Variants in FER observed in about 807,000 individuals in gnomAD.
The protein encoded by FER is tyrosine-protein kinase Fer.
Under a neutral mutation model 111.0 loss-of-function variants are expected in FER, and 63 were observed. The ratio of observed to expected loss-of-function variants is 0.57; its 90% confidence interval spans 0.46 to 0.70. FER has a LOEUF of 0.70. FER is among the 30% of genes least tolerant of loss of function. The pLI, the probability that FER is intolerant of heterozygous loss-of-function variation, is 0.00. For missense variants in FER, 914 were observed against 954.0 expected (o/e 0.96, Z 0.55); for synonymous variants, 327 against 313.9 (o/e 1.04, Z -0.44).
chr5:109,082,793 G>A (rs938167964), intron 16 of FER, among the ~76,000 whole-genome samples: 2 of 151,878 alleles, frequency 1.3e-5, no homozygotes, highest in Admixed American at 6.6e-5. Flanking sequence ...GAATTGCCTT[G>A]AAATGTCATC....
At chr5:108,949,068 C>T (rs1757381337) in intron 11 of FER, among the ~76,000 whole-genome samples, 1 of 152,052 alleles carries the variant, frequency 6.6e-6, no homozygotes, top group South Asian at 2.1e-4. Context: ...TTGCTTCCTT[C>T]ATATAGAATA....
intron 5 of FER, among the ~76,000 whole-genome samples, chr5:108,839,779 G>C (rs1188939071): frequency 1.3e-5 from 2 of 151,788 alleles, no homozygotes; most frequent in Non-Finnish European, 1.5e-5. Flanking sequence ...GGGTTTCACT[G>C]TGTTAGCCAG....
intron 1 of FER, among the ~76,000 whole-genome samples, chr5:108,752,796 T>A (rs986791889): frequency 3.9e-5 from 6 of 152,098 alleles, no homozygotes; most frequent in African/African-American, 1.4e-4. Context: ...GGAATTATTT[T>A]AAAAATATTC....
intron 1 of FER, among the ~76,000 whole-genome samples, chr5:108,760,124 T>C (rs773881300): frequency 4.6e-5 from 7 of 152,062 alleles, no homozygotes; most frequent in Non-Finnish European, 8.8e-5. Flanking sequence ...AGGTGCATTG[T>C]TGATGATCAA....
At chr5:109,164,145 A>G (rs1043929973) in intron 17 of FER, among the ~76,000 whole-genome samples, 1 of 152,158 alleles carries the variant, frequency 6.6e-6, no homozygotes, top group African/African-American at 2.4e-5. Context: ...TGCTCCCAGT[A>G]AGGTGTTTTC....
intron 16 of FER, among the ~76,000 whole-genome samples, chr5:109,097,384 A>C (rs1747672119): frequency 6.7e-6 from 1 of 150,308 alleles, no homozygotes; most frequent in Non-Finnish European, 1.5e-5. Flanking sequence ...CTTGATAAGC[A>C]GAATTACAAA....
chr5:108,940,822 G>T (rs576377614), intron 10 of FER, among the ~76,000 whole-genome samples: 8 of 152,180 alleles, frequency 5.3e-5, no homozygotes, highest in African/African-American at 1.9e-4. Flanking sequence ...CTGATGAGGG[G>T]TGTGGGCGTG....
At chr5:108,815,347 G>A (rs867769305) in intron 3 of FER, among the ~76,000 whole-genome samples, 1 of 151,898 alleles carries the variant, frequency 6.6e-6, no homozygotes, top group South Asian at 2.1e-4. Flanking sequence ...TGTGGATCTT[G>A]TATCATTTTG....
chr5:108,756,156 CAAAA>C (rs11341627), intron 1 of FER, among the ~76,000 whole-genome samples: 3 of 121,672 alleles, frequency 2.5e-5, no homozygotes, highest in African/African-American at 5.9e-5. Context: ...AACTCCATCT[CAAAA>C]AAAAAAAAAA....
intron 4 of FER, among the ~76,000 whole-genome samples, chr5:108,833,886 AAAAT>A (rs1387493596): frequency 1.3e-5 from 2 of 152,142 alleles, no homozygotes; most frequent in Non-Finnish European, 2.9e-5. Flanking sequence ...AAAAAAAAAA[AAAAT>A]GTAACTACAA....
intron 13 of FER, among the ~76,000 whole-genome samples, chr5:109,014,643 A>G (rs1189958708): frequency 2.6e-5 from 4 of 152,038 alleles, no homozygotes; most frequent in African/African-American, 9.7e-5. Flanking sequence ...CTTGATGGGG[A>G]TGGCATTGAA....
At chr5:109,010,803 T>G (rs917205827) in intron 13 of FER, among the ~76,000 whole-genome samples, 4 of 152,232 alleles carry the variant, frequency 2.6e-5, no homozygotes, top group African/African-American at 9.6e-5. Flanking sequence ...GAGCCATTAT[T>G]CAGGTTTCCA....
At chr5:108,773,003 C>T (rs1233238320) in intron 2 of FER, among the ~76,000 whole-genome samples, 1 of 152,188 alleles carries the variant, frequency 6.6e-6, no homozygotes, top group Non-Finnish European at 1.5e-5. Flanking sequence ...AATACCCTCT[C>T]TCTCTGGTAC....
At chr5:108,931,789 C>T (rs1445344662) in intron 10 of FER, among the ~76,000 whole-genome samples, 1 of 151,904 alleles carries the variant, frequency 6.6e-6, no homozygotes, top group Non-Finnish European at 1.5e-5. Context: ...AAGAATGCAC[C>T]ATTGCACTCC....
At chr5:108,965,182 T>G (rs1198267322) in intron 13 of FER, among the ~76,000 whole-genome samples, 1 of 152,168 alleles carries the variant, frequency 6.6e-6, no homozygotes, top group Non-Finnish European at 1.5e-5. Context: ...TTTAGGAAAT[T>G]TATCAGGAAT....
At chr5:109,123,111 T>G (rs1751205601) in intron 17 of FER, among the ~76,000 whole-genome samples, 1 of 151,906 alleles carries the variant, frequency 6.6e-6, no homozygotes. Context: ...TTTTGTTATT[T>G]TCTGGTTGTT....
chr5:108,839,643 T>C (rs1233266782), intron 5 of FER, among the ~76,000 whole-genome samples: 2 of 147,916 alleles, frequency 1.4e-5, no homozygotes, highest in African/African-American at 5.1e-5. Context: ...AGTGGCGCTG[T>C]CTCGGCTCAC....
At chr5:108,866,787 A>G (rs1293129524) in intron 5 of FER, among the ~76,000 whole-genome samples, 1 of 152,208 alleles carries the variant, frequency 6.6e-6, no homozygotes, top group Non-Finnish European at 1.5e-5. Flanking sequence ...TTCTGAGTCT[A>G]CAATGACAAG....
chr5:108,943,684 T>C (rs1257131330), intron 10 of FER, among the ~76,000 whole-genome samples: 1 of 152,112 alleles, frequency 6.6e-6, no homozygotes, highest in Non-Finnish European at 1.5e-5. Flanking sequence ...ATGATTTTAC[T>C]TTAAGTAATT....
Sources: gnomAD v4.1 joint callset for allele counts (sites outside exome capture counted in the v4.1 genomes callset) on GRCh38, gnomAD v4.1.1 for gene constraint, MANE v1.5 for transcripts, NCBI Gene and HGNC (gene_info 2026-07-23, HGNC 2026-07-21) for gene names.